Variants in PCDHGA7 observed in about 807,000 individuals in gnomAD.
PCDHGA7 encodes protocadherin gamma-A7.
Under a neutral mutation model 58.3 loss-of-function variants are expected in PCDHGA7, and 44 were observed. The observed-to-expected ratio is 0.75, with a 90% CI of 0.59 to 0.97. The LOEUF (loss-of-function observed/expected upper bound fraction) is 0.97, where lower values mean the gene tolerates loss of function less well. PCDHGA7 is among the 50% of genes least tolerant of loss of function. The probability of loss-of-function intolerance (pLI) is 0.00; values close to 1 mark genes in which losing one functional copy is unlikely to be tolerated. For missense variants in PCDHGA7, 1,266 were observed against 1,188.7 expected (o/e 1.06, Z -0.96); for synonymous variants, 516 against 504.2 (o/e 1.02, Z -0.31).
intron 2 of PCDHGA7, 91 bp from the exon 3 acceptor site, chr5:141,505,302 G>C: frequency 6.3e-7 from 1 of 1,592,714 alleles, no homozygotes. Context: ...TAGGGTTAGG[G>C]TACTAGGTTT....
At chr5:141,474,130 C>T (rs28684928) in intron 1 of PCDHGA7, among the ~76,000 whole-genome samples, 6 of 152,160 alleles carry the variant, frequency 3.9e-5, no homozygotes. Context: ...TCTCAGAAAA[C>T]TACAGGCCTT....
chr5:141,507,101 T>C (rs1341285140), intron 3 of PCDHGA7: 2 of 152,204 alleles, frequency 1.3e-5, no homozygotes, highest in African/African-American at 2.4e-5. Flanking sequence ...CTTTCTACTA[T>C]AGGGACCATG....
intron 1 of PCDHGA7, chr5:141,389,055 A>T: frequency 6.2e-7 from 1 of 1,613,996 alleles, no homozygotes; most frequent in Middle Eastern, 1.6e-4. Flanking sequence ...TGTTCCATTT[A>T]AAATATTAAC....
In PCDHGA7 at chr5:141,395,138, C is replaced by T. The variant is rs147992300; in HGVS notation, c.2424+9815C>T. 1,238 of 1,614,204 alleles carry T rather than the reference C, an allele frequency of 7.7e-4. 19 individuals are homozygous for T. In the East Asian group the frequency reaches 0.018, roughly 24 times the overall value. On this transcript the variant is annotated intron_variant, in intron 1 of 3. Transcript: ENST00000518325. ...ACCTGATCTTTCCCCAGCCCAACTA[C>T]GCAGACATGCTCATCAGTCAGGAGG...
chr5:141,413,180 C>CCGCTCAAAGGAAT (rs760676891), intron 1 of PCDHGA7: 75 of 1,602,494 alleles, frequency 4.7e-5, no homozygotes, highest in Non-Finnish European at 6.1e-5. Flanking sequence ...ACTACAATGG[C>CCGCTCAAAGGAAT]CGCTCAAAGG....
chr5:141,389,843 G>A lies in PCDHGA7; in HGVS notation c.2424+4520G>A, dbSNP rs372102656. On this transcript the variant is annotated intron_variant, in intron 1 of 3. Transcript: ENST00000518325. ...GTGACGGTGGACAGCCACCACTCTC[G>A]GCCACTGCCACGTTGCACCTGGTCT... is the stretch of plus-strand genomic sequence containing the variant. The A allele has an allele frequency of 3.7e-6, 6 of 1,613,898 alleles. 1 individual carries two copies. The highest frequency in any genetic ancestry group is 2.7e-5 in the African/African-American group (2 of 74,948).
At chr5:141,413,687 T>C (rs1470256826) in intron 1 of PCDHGA7, 1 of 1,613,784 alleles carries the variant, frequency 6.2e-7, no homozygotes, top group South Asian at 1.1e-5. Flanking sequence ...GTGAACTCCC[T>C]GCAGAGCTAT....
Position 141,382,819 on chromosome 5 carries a change from G to T in PCDHGA7, c.-81G>T, listed in dbSNP as rs1449028360. 3.1e-6 allele frequency: 4 copies of T among 1,297,848 alleles called. No individual in the cohort carries two copies. The highest frequency in any genetic ancestry group is 4.3e-6 in the Non-Finnish European group (4 of 938,944). 80.4% of individuals were successfully genotyped at this position (1,297,848 alleles called of 1,614,324 possible). ...CTGGATTCTGAGCTCCCCTTCCTAA[G>T]ACAGAGGGGTCCACCCGGATACACC... On this transcript the variant is annotated 5_prime_UTR_variant, in exon 1 of 4. Transcript: ENST00000518325.
chr5:141,428,632 G>A (rs574049916), intron 1 of PCDHGA7: 35 of 182,522 alleles, frequency 1.9e-4, no homozygotes, highest in African/African-American at 7.6e-4. Context: ...CTCTAACTCT[G>A]TTGCTCCTAC....
intron 1 of PCDHGA7, chr5:141,393,074 G>C (rs775449711): frequency 7.4e-6 from 12 of 1,613,592 alleles, no homozygotes; most frequent in African/African-American, 2.7e-5. Flanking sequence ...TGATCACCGC[G>C]GGCAGGATAG....
chr5:141,407,676 T>C (rs990367714), intron 1 of PCDHGA7, among the ~76,000 whole-genome samples: 1 of 152,162 alleles, frequency 6.6e-6, no homozygotes, highest in African/African-American at 2.4e-5. Flanking sequence ...TAAACAAAGA[T>C]TGGCTTTGTG....
chr5:141,485,980 G>C lies in PCDHGA7; in HGVS notation c.2425-8827G>C, dbSNP rs151239937. 1 of 1,614,020 alleles carries C rather than the reference G, an allele frequency of 6.2e-7. No individual in the cohort carries two copies. The highest frequency in any genetic ancestry group is 1.3e-5 in the African/African-American group (1 of 74,914). The stretch of plus-strand genomic sequence containing the variant: ...TCATCCAGCTCAATGCCTCAGACCC[G>C]GACCTGGGTCCCAGTGGTAACGTCA... On this transcript the variant is annotated intron_variant, in intron 1 of 3. Transcript: ENST00000518325. The surrounding 1 kb of genome is among the most constrained non-coding windows in gnomAD (Gnocchi z 5.7).
intron 1 of PCDHGA7, among the ~76,000 whole-genome samples, chr5:141,470,483 G>T (rs1163257164): frequency 6.6e-6 from 1 of 152,112 alleles, no homozygotes; most frequent in African/African-American, 2.4e-5. Context: ...CTAACCCTCT[G>T]GGAATAATAT....
rs1254680765 is a variant in PCDHGA7 at position 141,491,399 on chromosome 5, A to G, written c.2425-3408A>G. ...CTGTCAGCGAAGTGCCTTCAGGGAA[A>G]CGCAGACGGGGACGGGGGTGGAGGG... On this transcript the variant is annotated intron_variant, in intron 1 of 3. Transcript: ENST00000518325. This position sits in a 1 kb window ranked among gnomAD's most constrained non-coding sequence, Gnocchi z 6.9. 3 of 1,613,998 alleles carry G rather than the reference A, an allele frequency of 1.9e-6. No homozygotes were observed. Among genetic ancestry groups the G allele is most frequent in the Non-Finnish European group, 2.5e-6 (3 of 1,180,028 alleles).
At chr5:141,417,826 A>T in intron 1 of PCDHGA7, 1 of 1,519,618 alleles carries the variant, frequency 6.6e-7, no homozygotes. Flanking sequence ...CTCCAACTGG[A>T]AAAGCGGGGA....
In PCDHGA7 at chr5:141,486,657, T is replaced by G. The variant is rs1171065175; in HGVS notation, c.2425-8150T>G. On this transcript the variant is annotated intron_variant, in intron 1 of 3. Transcript: ENST00000518325. The surrounding 1 kb of genome is among the most constrained non-coding windows in gnomAD (Gnocchi z 5.0). ...AATGCGCTTATCTCCTACTCACTCC[T>G]GGAGCCCAGGAATCGAGATGTATCA... 3 of 1,614,010 alleles carry G rather than the reference T, an allele frequency of 1.9e-6. No homozygotes were observed. Among genetic ancestry groups the G allele is most frequent in the Non-Finnish European group, 2.5e-6 (3 of 1,180,030 alleles).
At chr5:141,409,097 G>C in intron 1 of PCDHGA7, 1 of 1,613,958 alleles carries the variant, frequency 6.2e-7, no homozygotes, top group Non-Finnish European at 8.5e-7. Context: ...TGAGAAAACA[G>C]GTATGATTAA....
Position 141,491,793 on chromosome 5 carries a change from C to T in PCDHGA7, c.2425-3014C>T, listed in dbSNP as rs2099730341. 4.0e-6 allele frequency: 6 copies of T among 1,511,410 alleles called. No individual in the cohort carries two copies. Among genetic ancestry groups the T allele is most frequent in the East Asian group, 2.5e-5 (1 of 40,660 alleles). The allele number at this position is 1,511,410 out of a possible 1,614,324, so 93.6% of individuals were successfully genotyped here. A position where few individuals can be genotyped will look rare whatever the true frequency, so the allele number is the denominator to read the frequency against. On this transcript the variant is annotated intron_variant, in intron 1 of 3. Transcript: ENST00000518325. This position sits in a 1 kb window ranked among gnomAD's most constrained non-coding sequence, Gnocchi z 6.9. ...AGGGATTGAACTTGCATCCACTCCT[C>T]TCCGGCCGGCTTGGTCGCTGGCTGC...
intron 1 of PCDHGA7, chr5:141,389,414 G>A (rs2091750366): frequency 6.2e-7 from 1 of 1,613,464 alleles, no homozygotes; most frequent in Non-Finnish European, 8.5e-7. Context: ...CGGAGAGCGG[G>A]GTGGTGTTCG....
Sources: allele counts gnomAD v4.1 joint callset (sites outside exome capture counted in the v4.1 genomes callset), GRCh38; gene constraint gnomAD v4.1.1; non-coding constraint Gnocchi (gnomAD v3.1); transcripts MANE v1.5; gene names NCBI Gene and HGNC (gene_info 2026-07-23, HGNC 2026-07-21).